The following LTBP1 variants were observed in gnomAD, a reference collection of about 807,000 sequenced individuals.
LTBP1 encodes latent transforming growth factor beta binding protein 1.
In LTBP1, 129 loss-of-function variants were observed where a neutral mutation model predicts 207.6. That is an observed-to-expected ratio of 0.62 (90% CI 0.54 to 0.72). The LOEUF is 0.72. LTBP1 is among the 30% of genes least tolerant of loss of function. The pLI is 0.00. For missense variants in LTBP1, 2,281 were observed against 2,217.2 expected (o/e 1.03, Z -0.58); for synonymous variants, 963 against 833.7 (o/e 1.16, Z -2.67).
intron 5 of LTBP1, among the ~76,000 whole-genome samples, chr2:33,163,210 C>T (rs2084614403): frequency 1.3e-5 from 2 of 152,120 alleles, no homozygotes; most frequent in East Asian, 3.8e-4. Context: ...AACTCCTAGG[C>T]TCAAGTGATC....
At chr2:33,165,982 A>G (rs1235121959) in intron 5 of LTBP1, among the ~76,000 whole-genome samples, 2 of 152,036 alleles carry the variant, frequency 1.3e-5, no homozygotes, top group African/African-American at 2.4e-5. Flanking sequence ...TAGCTTTTCA[A>G]GTTTCTAATT....
chr2:33,255,945 C>T (rs188123180), intron 11 of LTBP1, among the ~76,000 whole-genome samples: 1 of 152,238 alleles, frequency 6.6e-6, no homozygotes, highest in Admixed American at 6.5e-5. Flanking sequence ...ACACCAACAC[C>T]AAAGGGATTA....
At chr2:32,985,957 T>C (rs1304909706) in intron 2 of LTBP1, among the ~76,000 whole-genome samples, 1 of 152,194 alleles carries the variant, frequency 6.6e-6, no homozygotes, top group African/African-American at 2.4e-5. Context: ...TGTCTGTTTC[T>C]GAAGGAAGGA....
chr2:33,268,942 G>C (rs1204794089), intron 15 of LTBP1, among the ~76,000 whole-genome samples: 1 of 152,100 alleles, frequency 6.6e-6, no homozygotes, highest in Non-Finnish European at 1.5e-5. Flanking sequence ...AAAACTATTT[G>C]CTCATCAGAT....
intron 3 of LTBP1, 58 bp from the exon 4 acceptor site, chr2:33,110,524 T>A: frequency 6.7e-7 from 1 of 1,488,988 alleles, no homozygotes; most frequent in Non-Finnish European, 9.3e-7. Context: ...CTTTCCTTAT[T>A]AGCTGACTTT....
At chr2:33,010,384 G>C (rs772328401) in intron 2 of LTBP1, among the ~76,000 whole-genome samples, 2 of 152,136 alleles carry the variant, frequency 1.3e-5, no homozygotes, top group Non-Finnish European at 2.9e-5. Flanking sequence ...GTGTGTGGGG[G>C]GGATGAAGAG....
At chr2:33,226,765 G>A (rs934584623) in intron 9 of LTBP1, among the ~76,000 whole-genome samples, 3 of 152,170 alleles carry the variant, frequency 2.0e-5, no homozygotes, top group African/African-American at 7.2e-5. Context: ...CTAATGAGCA[G>A]TGAGGGTGAC....
intron 32 of LTBP1, among the ~76,000 whole-genome samples, chr2:33,389,580 C>G (rs1452423021): frequency 1.3e-5 from 2 of 152,266 alleles, no homozygotes; most frequent in East Asian, 3.9e-4. Flanking sequence ...TATCTCAAAA[C>G]AAACAAAAAG....
At chr2:33,012,308 C>T (rs577702829) in intron 2 of LTBP1, among the ~76,000 whole-genome samples, 1 of 152,184 alleles carries the variant, frequency 6.6e-6, no homozygotes. Context: ...ATCTCTGTGA[C>T]CCCAGAGCAT....
chr2:33,396,273 A>G lies in LTBP1; in HGVS notation c.4835-860A>G, dbSNP rs530360111. Among the ~76,000 whole-genome samples the G allele has an allele frequency of 1.8e-4, 27 of 151,806 alleles. 1 individual carries two copies. In the East Asian group the frequency reaches 2.5e-3, roughly 14 times the overall value. On this transcript the variant is annotated intron_variant, in intron 32 of 33. Transcript: ENST00000404816. Reference sequence around the variant, plus strand: ...AGTCCTGCTCTGTTGCTCAGGCTGGACAGTGGCCGTGATCTCAGCACACTG... The same window carrying G: ...AGTCCTGCTCTGTTGCTCAGGCTGGGCAGTGGCCGTGATCTCAGCACACTG...
chr2:33,185,865 G>A (rs1340006986), intron 5 of LTBP1, among the ~76,000 whole-genome samples: 2 of 152,192 alleles, frequency 1.3e-5, no homozygotes, highest in Admixed American at 1.3e-4. Flanking sequence ...GATTTAAAGA[G>A]GGTAGAAGCT....
intron 4 of LTBP1, among the ~76,000 whole-genome samples, chr2:33,126,225 T>G (rs2150463695): frequency 6.6e-6 from 1 of 152,234 alleles, no homozygotes; most frequent in East Asian, 1.9e-4. Flanking sequence ...CATCATTCCA[T>G]TTTTTTCTGT....
At chr2:33,279,815 AGG>A (rs1377997261) in intron 18 of LTBP1, among the ~76,000 whole-genome samples, 4 of 152,216 alleles carry the variant, frequency 2.6e-5, no homozygotes, top group Non-Finnish European at 5.9e-5. Flanking sequence ...AATTGGGGCC[AGG>A]TTCTTCCTTG....
In LTBP1 at chr2:33,293,203, T is replaced by C; in HGVS notation, c.3156T>C (p.Asp1052=). Residue 1052 remains aspartate, a synonymous_variant, in exon 20 of 34, where the codon GAT becomes GAC. Transcript: ENST00000404816. ...CLEPNVCANG[D]CSNLEGSYMC... ...AACCAAACGTCTGCGCAAATGGTGA[T>C]TGTTCCAACCTTGAAGGCTCCTACA... The C allele has an allele frequency of 6.2e-7, 1 of 1,614,136 alleles. No individual in the cohort carries two copies. The highest frequency in any genetic ancestry group is 2.2e-5 in the East Asian group (1 of 44,878).
Position 33,141,162 on chromosome 2 carries a change from C to T in LTBP1, c.1201+6202C>T, listed in dbSNP as rs1229038036. Among the ~76,000 whole-genome samples the T allele has an allele frequency of 3.3e-5, 5 of 152,294 alleles. No individual in the cohort carries two copies. The East Asian group carries it at 7.7e-4, about 23-fold the overall frequency. Reference sequence around the variant, plus strand: ...GTGTGGCTACAACGTGGATGAACCTCAAAGATGCTAAGTCAAATAAACCAG... The same window carrying T: ...GTGTGGCTACAACGTGGATGAACCTTAAAGATGCTAAGTCAAATAAACCAG... On this transcript the variant is annotated intron_variant, in intron 5 of 33. Transcript: ENST00000404816.
intron 15 of LTBP1, among the ~76,000 whole-genome samples, chr2:33,264,508 T>C (rs1378184869): frequency 6.6e-6 from 1 of 152,156 alleles, no homozygotes; most frequent in African/African-American, 2.4e-5. Flanking sequence ...TAAATGTCCA[T>C]ATCCTTAATG....
At chr2:33,002,694 A>T (rs550533595) in intron 2 of LTBP1, among the ~76,000 whole-genome samples, 151 of 146,172 alleles carry the variant, frequency 1.0e-3, no homozygotes, top group African/African-American at 1.8e-3. Context: ...TTTTTTTTTT[A>T]AAAAAAGGGG....
chr2:33,252,292 GCC>G (rs2092707415), intron 10 of LTBP1, among the ~76,000 whole-genome samples: 1 of 152,198 alleles, frequency 6.6e-6, no homozygotes, highest in Non-Finnish European at 1.5e-5. Context: ...ACTAAATGCT[GCC>G]CTAGAGTTAT....
chr2:33,018,548 G>T (rs1688708888), intron 2 of LTBP1, among the ~76,000 whole-genome samples: 1 of 152,136 alleles, frequency 6.6e-6, no homozygotes, highest in Non-Finnish European at 1.5e-5. Flanking sequence ...CTGTTCTCTT[G>T]GGTGGATCCC....
Sources: allele counts gnomAD v4.1 joint callset (sites outside exome capture counted in the v4.1 genomes callset), GRCh38; gene constraint gnomAD v4.1.1; transcripts MANE v1.5; gene names NCBI Gene and HGNC (gene_info 2026-07-23, HGNC 2026-07-21).